Variants in MYO16 observed in about 807,000 individuals in gnomAD.
The protein encoded by MYO16 is myosin XVI, also known as unconventional myosin-XVI.
Under a neutral mutation model 205.3 loss-of-function variants are expected in MYO16, and 94 were observed. The observed-to-expected ratio is 0.46, with a 90% CI of 0.39 to 0.54. The LOEUF (loss-of-function observed/expected upper bound fraction) is 0.54, where lower values mean the gene tolerates loss of function less well. MYO16 is among the 20% of genes least tolerant of loss of function. The probability of loss-of-function intolerance (pLI) is 0.00; values close to 1 mark genes in which losing one functional copy is unlikely to be tolerated. For missense variants in MYO16, 2,315 were observed against 2,387.5 expected, an observed-to-expected ratio of 0.97 and a Z score of 0.63; for synonymous variants, 988 against 954.0, an observed-to-expected ratio of 1.04 and a Z score of -0.66.
At chr13:109,034,557 C>T (rs1886651782) in intron 23 of MYO16, among the ~76,000 whole-genome samples, 1 of 152,216 alleles carries the variant, frequency 6.6e-6, no homozygotes, top group Admixed American at 6.5e-5. Flanking sequence ...AATTAAGCCT[C>T]TTTCCTTTAT....
intron 16 of MYO16, among the ~76,000 whole-genome samples, chr13:108,938,773 A>ACAGGTAAGGTGGTT (rs1882598890): frequency 6.6e-6 from 1 of 152,230 alleles, no homozygotes; most frequent in South Asian, 2.1e-4. Flanking sequence ...GTAAGGTGCG[A>ACAGGTAAGGTGGTT]CAGCTCAGAC....
chr13:108,776,266 G>A (rs910399486), intron 4 of MYO16, among the ~76,000 whole-genome samples: 9 of 152,290 alleles, frequency 5.9e-5, no homozygotes, highest in Admixed American at 4.6e-4. Flanking sequence ...CACATAGCAT[G>A]AATTGGGAAG....
chr13:108,977,384 T>A (rs1395688689), intron 20 of MYO16, among the ~76,000 whole-genome samples: 2 of 152,158 alleles, frequency 1.3e-5, no homozygotes, highest in Non-Finnish European at 2.9e-5. Flanking sequence ...GAGGTGTATA[T>A]TTAGTGGCAG....
intron 20 of MYO16, among the ~76,000 whole-genome samples, chr13:108,989,666 A>G (rs1196679252): frequency 2.0e-5 from 3 of 152,136 alleles, no homozygotes; most frequent in African/African-American, 7.2e-5. Flanking sequence ...TCTTCTTGGA[A>G]TAGGTTCCTA....
At chr13:108,598,995 C>G (rs1425100303) in intron 1 of MYO16, among the ~76,000 whole-genome samples, 2 of 112,842 alleles carry the variant, frequency 1.8e-5, no homozygotes, top group African/African-American at 3.4e-5. Context: ...TATCCCTCCC[C>G]CCTCCCCCCA....
chr13:108,516,586 C>G, the MYO16 span, among the ~76,000 whole-genome samples: 1 of 152,278 alleles, frequency 6.6e-6, no homozygotes, highest in Non-Finnish European at 1.5e-5. Flanking sequence ...GATATACAGG[C>G]ACACGTAACA....
chr13:108,698,491 A>C (rs373860044), intron 2 of MYO16, among the ~76,000 whole-genome samples: 10 of 152,324 alleles, frequency 6.6e-5, no homozygotes, highest in African/African-American at 2.4e-4. Context: ...AGACAAACAC[A>C]CAAAGGCTAT....
At chr13:108,959,976 G>GA (rs112435583) in intron 17 of MYO16, among the ~76,000 whole-genome samples, 2,245 of 126,488 alleles carry the variant, frequency 0.018, 41 homozygotes, top group African/African-American at 0.046. Flanking sequence ...TGATTTAAAG[G>GA]AAAAAAAAAA....
intron 23 of MYO16, among the ~76,000 whole-genome samples, chr13:109,027,083 T>C (rs1008021733): frequency 2.6e-5 from 4 of 152,268 alleles, no homozygotes; most frequent in African/African-American, 9.6e-5. Context: ...AAGTCAAGTG[T>C]TGGCAGGGTT....
intron 2 of MYO16, among the ~76,000 whole-genome samples, chr13:108,674,525 C>A (rs560243922): frequency 6.6e-6 from 1 of 152,234 alleles, no homozygotes; most frequent in Admixed American, 6.5e-5. Flanking sequence ...TCTCCCTGAC[C>A]TCCCACAACC....
intron 16 of MYO16, among the ~76,000 whole-genome samples, chr13:108,920,595 A>T (rs1344052941): frequency 3.3e-5 from 5 of 152,136 alleles, no homozygotes; most frequent in Admixed American, 2.6e-4. Context: ...AGTAGCTGGG[A>T]TTACAGGTGC....
chr13:108,763,146 C>T (rs994467447), intron 4 of MYO16, among the ~76,000 whole-genome samples: 1 of 152,060 alleles, frequency 6.6e-6, no homozygotes, highest in African/African-American at 2.4e-5. Context: ...CTACTATGAG[C>T]CAGGAATGAC....
At chr13:108,507,497 T>G in the MYO16 span, among the ~76,000 whole-genome samples, 4 of 152,280 alleles carry the variant, frequency 2.6e-5, 1 homozygote, top group Middle Eastern at 0.01. Context: ...GATAATCTTA[T>G]GGGAGCTCCC....
intron 5 of MYO16, among the ~76,000 whole-genome samples, chr13:108,792,101 G>A (rs9559412): frequency 0.12 from 17,867 of 152,088 alleles, 1,222 homozygotes; most frequent in East Asian, 0.24. Context: ...CTAGGAATAG[G>A]GGACACATCA....
intron 28 of MYO16, among the ~76,000 whole-genome samples, chr13:109,104,776 G>A (rs764678262): frequency 3.3e-5 from 5 of 150,568 alleles, no homozygotes; most frequent in Admixed American, 1.3e-4. Context: ...AGGCTATTCC[G>A]CAGATCCACA....
At chr13:108,963,645 C>G (rs2139371562) in intron 19 of MYO16, among the ~76,000 whole-genome samples, 1 of 152,340 alleles carries the variant, frequency 6.6e-6, no homozygotes, top group Non-Finnish European at 1.5e-5. Flanking sequence ...TTCAAAGATA[C>G]ACCAGCTCAT....
chr13:108,820,434 A>G, intron 8 of MYO16, 22 bp downstream of exon 8: 1 of 1,572,050 alleles, frequency 6.4e-7, no homozygotes, highest in Non-Finnish European at 8.7e-7. Context: ...GCATCCTTGG[A>G]CCATTGAGCA....
At chr13:109,007,017 C>A (rs879044000) in intron 21 of MYO16, among the ~76,000 whole-genome samples, 1 of 152,080 alleles carries the variant, frequency 6.6e-6, no homozygotes, top group African/African-American at 2.4e-5. Context: ...AGAAGAGAAA[C>A]CGACTCAGTC....
In MYO16 at chr13:108,844,301, T is replaced by C. The variant is rs771668120; in HGVS notation, c.1098-42T>C. On this transcript the variant is annotated intron_variant, in intron 9 of 34. Transcript: ENST00000457511. Reference sequence around the variant, plus strand: ...TTGGTAATTTTCGATTGATAAAACATTAGAAAGAGACTAATTGTAGTATTG... The same window carrying C: ...TTGGTAATTTTCGATTGATAAAACACTAGAAAGAGACTAATTGTAGTATTG... The C allele has an allele frequency of 2.6e-6, 4 of 1,553,674 alleles. No homozygotes were observed. In the East Asian group the frequency reaches 6.8e-5, roughly 26 times the overall value.
Sources: gnomAD v4.1 joint callset for allele counts (sites outside exome capture counted in the v4.1 genomes callset) on GRCh38, gnomAD v4.1.1 for gene constraint, MANE v1.5 for transcripts, NCBI Gene and HGNC (gene_info 2026-07-23, HGNC 2026-07-21) for gene names.